Variants in CHRNA7 observed in about 807,000 individuals in gnomAD.
The protein encoded by CHRNA7 is cholinergic receptor nicotinic alpha 7 subunit, also known as neuronal acetylcholine receptor subunit alpha-7.
CHRNA7 carries 17 observed loss-of-function variants against 48.0 expected under a neutral mutation model. That is an observed-to-expected ratio of 0.35 (90% CI 0.24 to 0.53). CHRNA7 has a LOEUF of 0.53. Among genes scored for constraint, CHRNA7 ranks in the 20% least tolerant of loss-of-function variants. The pLI is 0.92. For synonymous variants in CHRNA7, 75 were observed against 242.3 expected, an observed-to-expected ratio of 0.31 and a Z score of 6.41; for missense variants, 155 against 577.7, an observed-to-expected ratio of 0.27 and a Z score of 7.50.
At chr15:32,114,019 A>AATATATATATATAT (rs57220454) in intron 4 of CHRNA7, among the ~76,000 whole-genome samples, 1 of 109,164 alleles carries the variant, frequency 9.2e-6, no homozygotes, top group Non-Finnish European at 1.8e-5. Flanking sequence ...GCTATCTCCA[A>AATATATATATATAT]ATATATATAT....
chr15:32,055,413 T>C (rs970256171), intron 2 of CHRNA7, among the ~76,000 whole-genome samples: 1 of 152,224 alleles, frequency 6.6e-6, no homozygotes, highest in Non-Finnish European at 1.5e-5. Flanking sequence ...TAAAGTCTGA[T>C]ATCAAGGTGC....
intron 4 of CHRNA7, among the ~76,000 whole-genome samples, chr15:32,131,868 G>A (rs867165242): frequency 1.1e-4 from 17 of 152,240 alleles, no homozygotes; most frequent in Middle Eastern, 6.8e-3. Flanking sequence ...CCCTGCTGTC[G>A]TGTGGTTCAG....
intron 3 of CHRNA7, among the ~76,000 whole-genome samples, chr15:32,109,905 T>C (rs940226522): frequency 1.3e-5 from 2 of 152,170 alleles, no homozygotes; most frequent in African/African-American, 4.8e-5. Flanking sequence ...TGGCTGTGCC[T>C]TGGACGAGGT....
intron 2 of CHRNA7, among the ~76,000 whole-genome samples, chr15:32,050,266 G>A (rs1246373853): frequency 7.2e-5 from 11 of 152,222 alleles, no homozygotes; most frequent in Admixed American, 2.0e-4. Context: ...CATTCTCCCC[G>A]TCATTTTCAG....
intron 2 of CHRNA7, among the ~76,000 whole-genome samples, chr15:32,040,237 C>G (rs1367394086): frequency 2.6e-5 from 4 of 152,068 alleles, no homozygotes; most frequent in Non-Finnish European, 5.9e-5. Context: ...TTAGACCACT[C>G]AGAGTGATTG....
chr15:32,143,341 T>G (rs887547558), intron 4 of CHRNA7, among the ~76,000 whole-genome samples: 2 of 152,318 alleles, frequency 1.3e-5, no homozygotes, highest in South Asian at 2.1e-4. Flanking sequence ...TTACTTCCAA[T>G]TATTTGGTCA....
intron 2 of CHRNA7, among the ~76,000 whole-genome samples, chr15:32,050,696 C>T (rs1380611504): frequency 6.6e-6 from 1 of 152,206 alleles, no homozygotes; most frequent in Non-Finnish European, 1.5e-5. Context: ...TGAGGAACTG[C>T]CTTCCTTTGT....
At chr15:32,108,811 T>A (rs1308774282) in intron 3 of CHRNA7, among the ~76,000 whole-genome samples, 1 of 152,242 alleles carries the variant, frequency 6.6e-6, no homozygotes, top group East Asian at 1.9e-4. Flanking sequence ...GACTTTAATC[T>A]GCTGCTGCAC....
chr15:32,062,196 C>T (rs759318556), intron 2 of CHRNA7, among the ~76,000 whole-genome samples: 5 of 152,194 alleles, frequency 3.3e-5, no homozygotes, highest in Non-Finnish European at 7.3e-5. Flanking sequence ...TGGAGAACCT[C>T]ACAATACTGA....
chr15:32,154,767 C>A (rs1225966320), intron 5 of CHRNA7, among the ~76,000 whole-genome samples: 2 of 139,644 alleles, frequency 1.4e-5, no homozygotes, highest in Non-Finnish European at 3.0e-5. Flanking sequence ...TACCTCCACA[C>A]CTAACTACCA....
chr15:32,030,777 G>C (rs1443868113), intron 1 of CHRNA7, 121 bp from the exon 2 acceptor site: 2 of 1,500,654 alleles, frequency 1.3e-6, no homozygotes, highest in Non-Finnish European at 1.8e-6. Flanking sequence ...CAGCGGGGGC[G>C]CTGCGGGGGC....
Position 32,076,726 on chromosome 15 carries a change from T to A in CHRNA7, c.196-24577T>A, listed in dbSNP as rs1023562277. On this transcript the variant is annotated intron_variant, in intron 2 of 9. Transcript: ENST00000306901. ...TGCATAATCTCTCTCATTATTAACATCCCTGACCAGAGTGGTACATTGTTA... is the reference window on the plus strand; with the variant it reads ...TGCATAATCTCTCTCATTATTAACAACCCTGACCAGAGTGGTACATTGTTA... 2.6e-5 allele frequency among the ~76,000 whole-genome samples: 4 copies of A among 152,170 alleles called. No individual in the cohort carries two copies. In the South Asian group the frequency reaches 6.2e-4, roughly 24 times the overall value.
intron 2 of CHRNA7, among the ~76,000 whole-genome samples, chr15:32,053,166 A>G (rs2049722648): frequency 6.6e-6 from 1 of 152,348 alleles, no homozygotes; most frequent in Admixed American, 6.5e-5. Flanking sequence ...GTATAGACTG[A>G]GAATTGTAAG....
At chr15:32,129,352 G>A (rs1441530934) in intron 4 of CHRNA7, among the ~76,000 whole-genome samples, 1 of 151,810 alleles carries the variant, frequency 6.6e-6, no homozygotes. Context: ...TTAAATGTTT[G>A]TTAAAATTCC....
Position 32,163,372 on chromosome 15 carries a change from C to G in CHRNA7, c.990+37C>G, listed in dbSNP as rs2564606. On this transcript the variant is annotated intron_variant, in intron 9 of 9. Coordinates refer to ENST00000306901, the MANE Select transcript of CHRNA7 (RefSeq NM_000746.6). The stretch of plus-strand genomic sequence containing the variant: ...CCACCCCCGATGGAGTCGGAGCCCC[C>G]CTGTAAAGGAGGCTCCTCCTAGGGT... The G allele has an allele frequency of 6.7e-4, 430 of 638,796 alleles. 98 individuals carry two copies. In the East Asian group the frequency reaches 0.015, roughly 22 times the overall value. 39.6% of individuals were successfully genotyped at this position (638,796 alleles called of 1,614,324 possible).
At chr15:32,055,809 C>G (rs2049777512) in intron 2 of CHRNA7, among the ~76,000 whole-genome samples, 1 of 152,022 alleles carries the variant, frequency 6.6e-6, no homozygotes, top group African/African-American at 2.4e-5. Context: ...GAAACCCTGT[C>G]TCTACTAAAA....
rs985163885 is a variant in CHRNA7 at position 32,149,340 on chromosome 15, T to C, written c.351-4567T>C. Reference sequence around the variant, plus strand: ...TGCCCAGCACTGGTGAGGGGGTCACTGTTGGCTGGCATCTGTCGGGCATCC... The same window carrying C: ...TGCCCAGCACTGGTGAGGGGGTCACCGTTGGCTGGCATCTGTCGGGCATCC... On this transcript the variant is annotated intron_variant, in intron 4 of 9. Coordinates refer to ENST00000306901, the MANE Select transcript of CHRNA7 (RefSeq NM_000746.6). This position sits in a 1 kb window ranked among gnomAD's most constrained non-coding sequence, Gnocchi z 4.6. Among the ~76,000 whole-genome samples the C allele has an allele frequency of 1.3e-5, 2 of 152,188 alleles. No homozygotes were observed. The highest frequency in any genetic ancestry group is 4.8e-5 in the African/African-American group (2 of 41,440).
chr15:32,124,347 A>G (rs943450277), intron 4 of CHRNA7, among the ~76,000 whole-genome samples: 2 of 152,252 alleles, frequency 1.3e-5, no homozygotes, highest in Non-Finnish European at 2.9e-5. Context: ...CAAAGTGCTC[A>G]TGAATAATTA....
intron 4 of CHRNA7, among the ~76,000 whole-genome samples, chr15:32,118,401 C>T (rs1566852545): frequency 1.3e-5 from 2 of 152,202 alleles, no homozygotes; most frequent in Non-Finnish European, 1.5e-5. Flanking sequence ...TGCTGGAGAT[C>T]TCAGAGAAGG....
Sources: allele counts gnomAD v4.1 joint callset (sites outside exome capture counted in the v4.1 genomes callset), GRCh38; gene constraint gnomAD v4.1.1; non-coding constraint Gnocchi (gnomAD v3.1); transcripts MANE v1.5; gene names NCBI Gene and HGNC (gene_info 2026-07-23, HGNC 2026-07-21).